YARS1: variants seen among roughly 807,000 people sequenced by gnomAD.
YARS1 encodes the protein tyrosine--tRNA ligase, cytoplasmic.
In YARS1, 36 loss-of-function variants were observed where a neutral mutation model predicts 62.2. The ratio of observed to expected loss-of-function variants is 0.58; its 90% CI spans 0.44 to 0.76. The LOEUF is 0.76. YARS1 is among the 30% of genes least tolerant of loss of function. YARS1 has a pLI of 0.00. For synonymous variants in YARS1, 234 were observed against 244.9 expected, an observed-to-expected ratio of 0.96 and a Z score of 0.42; for missense variants, 524 against 639.8, an observed-to-expected ratio of 0.82 and a Z score of 1.95.
chr1:32,802,474 T>C (rs1168846974), intron 4 of YARS1, among the ~76,000 whole-genome samples: 3 of 152,142 alleles, frequency 2.0e-5, no homozygotes, highest in Non-Finnish European at 4.4e-5. Context: ...GGAGTCACTA[T>C]CTATGGCAGC....
At chr1:32,796,220 T>G (rs912718116) in intron 5 of YARS1, among the ~76,000 whole-genome samples, 2 of 151,384 alleles carry the variant, frequency 1.3e-5, no homozygotes, top group African/African-American at 4.9e-5. Flanking sequence ...CACTTGAACC[T>G]GGGAAACAGA....
At chr1:32,805,022 G>A (rs1036696088) in intron 4 of YARS1, among the ~76,000 whole-genome samples, 4 of 152,278 alleles carry the variant, frequency 2.6e-5, no homozygotes, top group African/African-American at 9.6e-5. Flanking sequence ...CTCGCGGTCA[G>A]GAGCTGGAGA....
At chr1:32,794,936 G>A (rs1161235061) in intron 5 of YARS1, among the ~76,000 whole-genome samples, 5 of 149,002 alleles carry the variant, frequency 3.4e-5, no homozygotes, top group East Asian at 4.0e-4. Context: ...CCCGGGAGGC[G>A]GAGGTTGCAG....
intron 5 of YARS1, among the ~76,000 whole-genome samples, chr1:32,795,607 C>T (rs1397352534): frequency 1.3e-5 from 2 of 151,530 alleles, no homozygotes; most frequent in Non-Finnish European, 2.9e-5. Flanking sequence ...GAGATCAAGA[C>T]CATTCCTGGC....
At chr1:32,795,116 G>A (rs1240035100) in intron 5 of YARS1, among the ~76,000 whole-genome samples, 1 of 150,190 alleles carries the variant, frequency 6.7e-6, no homozygotes, top group Non-Finnish European at 1.5e-5. Flanking sequence ...TCAGGAGACC[G>A]AGACCACCTT....
At chr1:32,780,831 G>T in intron 10 of YARS1, 1 of 607,042 alleles carries the variant, frequency 1.6e-6, no homozygotes, top group Non-Finnish European at 3.0e-6. Context: ...ACTAACATCC[G>T]TCCCCCATGC....
intron 4 of YARS1, chr1:32,798,212 C>A: frequency 4.2e-6 from 1 of 239,120 alleles, no homozygotes; most frequent in Non-Finnish European, 8.4e-6. Context: ...TCTGAGAAAT[C>A]AGAAACTTTA....
rs571989814 is a variant in YARS1, at chr1:32,788,419, T to TTTTA, written c.685-1348_685-1345dup. 6.7e-4 allele frequency among the ~76,000 whole-genome samples: 102 copies of TTTTA among 152,028 alleles called. 1 individual carries two copies. Among genetic ancestry groups the TTTTA allele is most frequent in the South Asian group, 3.5e-3 (17 of 4,818 alleles). On this transcript the variant is annotated intron_variant, in intron 6 of 12. Coordinates refer to ENST00000373477, the MANE Select transcript of YARS1 (RefSeq NM_003680.4). ...GTGTACAAAACCATGCCTGGCTAATTTTTATTTATTTATTTATTTATTTAT... is the reference window on the plus strand; with the variant it reads ...GTGTACAAAACCATGCCTGGCTAATTTTTATTTATTTATTTATTTATTTATTTAT...
rs145257203 is a variant in YARS1, at chr1:32,791,190, G to A, written c.656C>T (p.Thr219Ile). 1 of 1,614,058 alleles carries A rather than the reference G, an allele frequency of 6.2e-7. No homozygotes were observed. The highest frequency in any genetic ancestry group is 1.3e-5 in the African/African-American group (1 of 75,028). The change falls in exon 6 of 13, where the codon ACA becomes ATA. Residue 219 changes from threonine (T) to isoleucine (I), a missense_variant. Coordinates refer to ENST00000373477, the MANE Select transcript of YARS1 (RefSeq NM_003680.4). ...TTCTGAAGAGCTCATTTTGCTGCCTGTTAATCCTGGAACCATAGGATTCAT... is the reference window on the plus strand; with the variant it reads ...TTCTGAAGAGCTCATTTTGCTGCCTATTAATCCTGGAACCATAGGATTCAT... ...HLMNPMVPGL[T>I]GSKMSSSEEE... is the part of the protein sequence containing the mutation.
intron 8 of YARS1, among the ~76,000 whole-genome samples, chr1:32,784,960 A>T (rs1009508872): frequency 1.3e-5 from 2 of 152,030 alleles, no homozygotes; most frequent in Non-Finnish European, 2.9e-5. Context: ...TTTTATAATT[A>T]TCTCTTGTTT....
intron 5 of YARS1, among the ~76,000 whole-genome samples, chr1:32,797,407 A>G (rs1156869860): frequency 6.6e-6 from 1 of 152,084 alleles, no homozygotes; most frequent in African/African-American, 2.4e-5. Flanking sequence ...GATGCTGGGA[A>G]ATGCGAACCA....
chr1:32,788,064 T>C (rs1482593998), intron 6 of YARS1, among the ~76,000 whole-genome samples: 1 of 152,168 alleles, frequency 6.6e-6, no homozygotes, highest in African/African-American at 2.4e-5. Context: ...GGCATGATCA[T>C]GCCACTACAC....
intron 12 of YARS1, among the ~76,000 whole-genome samples, chr1:32,778,122 G>A (rs537081334): frequency 3.9e-5 from 6 of 152,308 alleles, no homozygotes; most frequent in Admixed American, 3.9e-4. Context: ...TCTCACTGAA[G>A]AAACACGGTA....
chr1:32,778,623 G>A (rs2148598883), intron 12 of YARS1, among the ~76,000 whole-genome samples: 1 of 151,286 alleles, frequency 6.6e-6, no homozygotes, highest in South Asian at 2.1e-4. Context: ...TAGCCAGAAT[G>A]CTCTCGATCT....
At chr1:32,798,126 C>T (rs1450072632) in intron 4 of YARS1, 3 of 407,826 alleles carry the variant, frequency 7.4e-6, no homozygotes, top group Admixed American at 7.2e-5. Flanking sequence ...CCCACCTTGG[C>T]CTCCCAAAGT....
At chr1:32,793,331 A>C (rs918949991) in intron 5 of YARS1, among the ~76,000 whole-genome samples, 1 of 152,206 alleles carries the variant, frequency 6.6e-6, no homozygotes, top group Non-Finnish European at 1.5e-5. Context: ...GATAAATACA[A>C]AGAAAACTAT....
In YARS1 at chr1:32,810,981, G is replaced by C. The variant is rs1333212048; in HGVS notation, c.134C>G (p.Thr45Arg). 1 of 1,614,114 alleles carries C rather than the reference G, an allele frequency of 6.2e-7. No individual in the cohort carries two copies. ...ELKIYWGTAT[T>R]GKPHVAYFVP... ...AAAGTAAGCCACATGTGGTTTGCCC[G>C]TGGTTGCCGTTCCCCAGTAAATTTT... Residue 45 changes from threonine (T) to arginine (R), a missense_variant, in exon 2 of 13, where the codon ACG (threonine) becomes AGG (arginine). By Grantham distance (71) the Thr-to-Arg change is moderately conservative (BLOSUM62 -1). Transcript: ENST00000373477.
intron 3 of YARS1, among the ~76,000 whole-genome samples, chr1:32,809,068 T>C (rs767032193): frequency 6.6e-6 from 1 of 152,148 alleles, no homozygotes; most frequent in Non-Finnish European, 1.5e-5. Flanking sequence ...ATATGCTTTA[T>C]TTATTCATTT....
chr1:32,789,282 C>T (rs2148605382), intron 6 of YARS1, among the ~76,000 whole-genome samples: 1 of 152,284 alleles, frequency 6.6e-6, no homozygotes, highest in East Asian at 1.9e-4. Context: ...GAATCATTTC[C>T]TTAAGATGCC....
Sources: allele counts gnomAD v4.1 joint callset (sites outside exome capture counted in the v4.1 genomes callset), GRCh38; gene constraint gnomAD v4.1.1; transcripts MANE v1.5; gene names NCBI Gene and HGNC (gene_info 2026-07-23, HGNC 2026-07-21).